Variants in PRH1 observed in about 807,000 individuals in gnomAD.
The protein encoded by PRH1 is proline rich protein HaeIII subfamily 1, also known as salivary acidic proline-rich phosphoprotein 1/2.
PRH1 carries 7 observed loss-of-function variants against 7.9 expected under a neutral mutation model. That is an observed-to-expected ratio of 0.89 (90% CI 0.50 to 1.67). PRH1 has a LOEUF of 1.67. Among genes scored for constraint, PRH1 ranks in the 40% most tolerant of loss-of-function variants. PRH1 has a pLI of 0.00. For missense variants in PRH1, 109 were observed against 223.6 expected, an observed-to-expected ratio of 0.49 and a Z score of 3.27; for synonymous variants, 45 against 80.8, an observed-to-expected ratio of 0.56 and a Z score of 2.38.
At chr12:11,154,060 T>C (rs979633311) in intron 1 of PRH1, among the ~76,000 whole-genome samples, 1 of 152,154 alleles carries the variant, frequency 6.6e-6, no homozygotes, top group Non-Finnish European at 1.5e-5. Context: ...TTTTGAAAAA[T>C]AGTATATAGT....
At chr12:10,935,577 C>A (rs148177867) in intron 2 of PRH1, among the ~76,000 whole-genome samples, 197 of 152,224 alleles carry the variant, frequency 1.3e-3, no homozygotes, top group African/African-American at 4.3e-3. Flanking sequence ...TTCTCCTCTA[C>A]TCAGTAATAC....
At chr12:11,125,889 A>G (rs1410721404) in intron 1 of PRH1, among the ~76,000 whole-genome samples, 2 of 146,780 alleles carry the variant, frequency 1.4e-5, no homozygotes, top group Non-Finnish European at 3.0e-5. Context: ...CCTTTTTAAA[A>G]TTAATTTAAA....
chr12:11,152,537 C>T (rs1947132526), intron 1 of PRH1, among the ~76,000 whole-genome samples: 1 of 151,910 alleles, frequency 6.6e-6, no homozygotes, highest in African/African-American at 2.4e-5. Flanking sequence ...CTTATCTGTA[C>T]TATATTTTAG....
intron 2 of PRH1, chr12:10,930,189 T>C (rs527715962): frequency 6.7e-7 from 1 of 1,498,756 alleles, no homozygotes; most frequent in Non-Finnish European, 9.3e-7. Context: ...TGATCAGAGG[T>C]CCTTTATCCT....
intron 1 of PRH1, among the ~76,000 whole-genome samples, chr12:10,991,913 C>T (rs1388928463): frequency 1.1e-4 from 17 of 152,220 alleles, no homozygotes; most frequent in Admixed American, 8.5e-4. Flanking sequence ...ACAGACTTAT[C>T]GGTGATCTTG....
chr12:11,054,487 T>C (rs1244501260), intron 1 of PRH1, among the ~76,000 whole-genome samples: 1 of 152,240 alleles, frequency 6.6e-6, no homozygotes, highest in Non-Finnish European at 1.5e-5. Context: ...AAATATGCTT[T>C]ATGCCTCAAC....
chr12:10,999,911 T>G (rs1329352332), intron 1 of PRH1, among the ~76,000 whole-genome samples: 1 of 152,136 alleles, frequency 6.6e-6, no homozygotes, highest in Non-Finnish European at 1.5e-5. Flanking sequence ...TCATTTCTTT[T>G]CACCTCTATA....
rs552066657 is a variant in PRH1, at chr12:10,963,190, C to T, written c.-59+10465G>A. Among the ~76,000 whole-genome samples the T allele has an allele frequency of 7.2e-5, 11 of 152,074 alleles. No individual in the cohort carries two copies. In the East Asian group the frequency reaches 1.7e-3, roughly 24 times the overall value. On this transcript the variant is annotated intron_variant, in intron 2 of 3. Coordinates refer to the PRH1 transcript ENST00000539853. Reference sequence around the variant, plus strand: ...TAACATTGTTAAAATTTCATAACTCCGAGAATTGATACAGTCTGTAGAATT... The same window carrying T: ...TAACATTGTTAAAATTTCATAACTCTGAGAATTGATACAGTCTGTAGAATT...
intron 2 of PRH1, among the ~76,000 whole-genome samples, chr12:10,927,918 C>T (rs958103153): frequency 3.3e-5 from 5 of 152,186 alleles, no homozygotes; most frequent in African/African-American, 1.2e-4. Flanking sequence ...GAGCAATCAG[C>T]AGCTGAGAAG....
chr12:11,058,516 C>A (rs764379943), intron 1 of PRH1, among the ~76,000 whole-genome samples: 65 of 152,272 alleles, frequency 4.3e-4, no homozygotes, highest in African/African-American at 9.2e-4. Flanking sequence ...GATTTTGGAG[C>A]CAACATATTC....
chr12:11,004,349 T>C (rs892439307), intron 1 of PRH1, among the ~76,000 whole-genome samples: 1 of 151,850 alleles, frequency 6.6e-6, no homozygotes, highest in African/African-American at 2.4e-5. Flanking sequence ...ATACTAAAAA[T>C]ACAAAAATTA....
At chr12:11,150,326 A>T (rs1421984266) in intron 1 of PRH1, among the ~76,000 whole-genome samples, 3 of 152,086 alleles carry the variant, frequency 2.0e-5, no homozygotes, top group Non-Finnish European at 2.9e-5. Context: ...CTGGGTATAA[A>T]CCCAAAGGAC....
intron 1 of PRH1, among the ~76,000 whole-genome samples, chr12:10,988,444 A>G (rs1489420310): frequency 6.6e-6 from 1 of 152,120 alleles, no homozygotes; most frequent in Non-Finnish European, 1.5e-5. Flanking sequence ...ATCATCTGAA[A>G]TTTCCATATG....
At chr12:11,014,051 C>T (rs1208041508) in intron 1 of PRH1, among the ~76,000 whole-genome samples, 1 of 137,192 alleles carries the variant, frequency 7.3e-6, no homozygotes, top group African/African-American at 2.6e-5. Context: ...TCAAAATGTA[C>T]ATTTGACATT....
chr12:11,065,494 C>T (rs1343736583), intron 1 of PRH1, among the ~76,000 whole-genome samples: 2 of 152,154 alleles, frequency 1.3e-5, no homozygotes, highest in African/African-American at 4.8e-5. Flanking sequence ...TTTTCTACCT[C>T]TTGGTCTCTT....
intron 1 of PRH1, among the ~76,000 whole-genome samples, chr12:11,070,835 T>G (rs1944032685): frequency 1.3e-5 from 1 of 79,836 alleles, no homozygotes; most frequent in Non-Finnish European, 3.1e-5. Flanking sequence ...CTGTGTTATT[T>G]GCGTTGGCTT....
intron 1 of PRH1, among the ~76,000 whole-genome samples, chr12:10,974,956 G>A (rs1449998576): frequency 6.6e-6 from 1 of 152,104 alleles, no homozygotes; most frequent in African/African-American, 2.4e-5. Context: ...AGAAAAAAAA[G>A]TGTTCTGACA....
chr12:10,994,236 G>A (rs904646427), intron 1 of PRH1, among the ~76,000 whole-genome samples: 1 of 152,190 alleles, frequency 6.6e-6, no homozygotes, highest in Admixed American at 6.5e-5. Context: ...TTGTGGGCAT[G>A]AGGTCTGACT....
chr12:11,132,052 G>C (rs1023097999), intron 1 of PRH1, among the ~76,000 whole-genome samples: 1 of 151,916 alleles, frequency 6.6e-6, no homozygotes, highest in Non-Finnish European at 1.5e-5. Context: ...CAGGTGTGGG[G>C]ATGATTTATC....
Sources: gnomAD v4.1 joint callset for allele counts (sites outside exome capture counted in the v4.1 genomes callset) on GRCh38, gnomAD v4.1.1 for gene constraint, MANE v1.5 for transcripts, NCBI Gene and HGNC (gene_info 2026-07-23, HGNC 2026-07-21) for gene names.